Variants in FTCDNL1 observed in about 807,000 individuals in gnomAD.
FTCDNL1 encodes the protein formiminotransferase cyclodeaminase N-terminal like, also known as formiminotransferase N-terminal subdomain-containing protein.
A neutral mutation model predicts 5.9 loss-of-function variants in FTCDNL1; 11 were observed. The observed-to-expected ratio is 1.87, with a 90% CI of 1.18 to 3.10. The LOEUF is 3.10. Ranked by LOEUF, FTCDNL1 falls within the 30% of genes most tolerant of loss-of-function variation. FTCDNL1 has a pLI of 0.00. For synonymous variants in FTCDNL1, 58 were observed against 24.8 expected (o/e 2.34, Z -3.99); for missense variants, 115 against 65.5 (o/e 1.76, Z -2.61).
At position 199,784,436 on chromosome 2, in the gene FTCDNL1, C is replaced by T. The variant is rs559533268; in HGVS notation, c.212-23601G>A. Among the ~76,000 whole-genome samples the T allele has an allele frequency of 5.3e-5, 8 of 152,306 alleles. No homozygotes were observed. The East Asian group carries it at 7.7e-4, about 15-fold the overall frequency. The stretch of plus-strand genomic sequence containing the variant: ...GGGGGTCCTTGCTGCCAACCTGTGC[C>T]ATGGGATTCAGCTCTAAAATCCCTG... On this transcript the variant is annotated intron_variant, in intron 3 of 3. Coordinates refer to the FTCDNL1 transcript ENST00000416668.
At chr2:199,816,261 C>A (rs1386944447) in intron 4 of FTCDNL1, among the ~76,000 whole-genome samples, 1 of 152,142 alleles carries the variant, frequency 6.6e-6, no homozygotes, top group Non-Finnish European at 1.5e-5. Context: ...CCAAACTTGG[C>A]AAACTGTAAT....
chr2:199,666,015 A>G, the FTCDNL1 span, among the ~76,000 whole-genome samples: 1 of 152,332 alleles, frequency 6.6e-6, no homozygotes, highest in South Asian at 2.1e-4. Context: ...AGAAACCAAA[A>G]TGACATAGTG....
intron 2 of FTCDNL1, among the ~76,000 whole-genome samples, chr2:199,847,033 G>C (rs2076750452): frequency 6.6e-6 from 1 of 152,082 alleles, no homozygotes; most frequent in African/African-American, 2.4e-5. Context: ...GAACTACAGA[G>C]CTTAGAACAG....
the FTCDNL1 span, among the ~76,000 whole-genome samples, chr2:199,754,287 C>G: frequency 6.6e-6 from 1 of 152,124 alleles, no homozygotes; most frequent in Admixed American, 6.5e-5. Context: ...ATGGGAGGAG[C>G]GGAAGGAATG....
chr2:199,663,905 G>A, the FTCDNL1 span, among the ~76,000 whole-genome samples: 2 of 151,654 alleles, frequency 1.3e-5, no homozygotes, highest in African/African-American at 2.4e-5. Flanking sequence ...TCATTGTATC[G>A]ATATAAATTG....
intron 3 of FTCDNL1, among the ~76,000 whole-genome samples, chr2:199,826,751 G>A (rs1007252263): frequency 1.1e-4 from 16 of 152,114 alleles, no homozygotes; most frequent in Non-Finnish European, 2.4e-4. Context: ...CCGAGATTGC[G>A]CCATTGCAAT....
At chr2:199,837,008 G>C (rs1401185911) in intron 3 of FTCDNL1, among the ~76,000 whole-genome samples, 1 of 152,186 alleles carries the variant, frequency 6.6e-6, no homozygotes, top group Non-Finnish European at 1.5e-5. Context: ...AGAGAAAAGA[G>C]TGCAGCTTTT....
the FTCDNL1 span, among the ~76,000 whole-genome samples, chr2:199,663,957 A>G: frequency 6.6e-6 from 1 of 152,128 alleles, no homozygotes; most frequent in African/African-American, 2.4e-5. Flanking sequence ...TGCAACCTCT[A>G]CACAAGTCCA....
rs1335879235 is a variant in FTCDNL1 at position 199,811,438 on chromosome 2, G to A, written c.*1267C>T. Among the ~76,000 whole-genome samples the A allele has an allele frequency of 6.6e-6, 1 of 152,122 alleles. No homozygotes were observed. On this transcript the variant is annotated 3_prime_UTR_variant, in exon 5 of 5. Transcript: ENST00000420128. The stretch of plus-strand genomic sequence containing the variant: ...TTACCATCGTTCCAACAAATAGTTG[G>A]ATCACACTCAGGTTTTGCTGAAGAG...
At chr2:199,698,809 T>C in the FTCDNL1 span, among the ~76,000 whole-genome samples, 11,151 of 151,820 alleles carry the variant, frequency 0.073, 1,396 homozygotes, top group African/African-American at 0.25. Context: ...GAAAAACCCA[T>C]ACAAAAGAGA....
At chr2:199,754,834 TA>T in the FTCDNL1 span, among the ~76,000 whole-genome samples, 2 of 152,238 alleles carry the variant, frequency 1.3e-5, no homozygotes, top group African/African-American at 2.4e-5. Flanking sequence ...TGCCGTTAAT[TA>T]AAAAGTAAAA....
the FTCDNL1 span, among the ~76,000 whole-genome samples, chr2:199,681,996 T>C: frequency 1.3e-5 from 2 of 152,156 alleles, no homozygotes; most frequent in African/African-American, 2.4e-5. Context: ...AGCAACACTC[T>C]TTCCAAATGC....
intron 3 of FTCDNL1, among the ~76,000 whole-genome samples, chr2:199,778,308 C>T (rs748532685): frequency 1.3e-5 from 2 of 152,162 alleles, no homozygotes; most frequent in Non-Finnish European, 2.9e-5. Context: ...AAATCCAGTA[C>T]ATTTCTAGGT....
intron 3 of FTCDNL1, among the ~76,000 whole-genome samples, chr2:199,771,043 T>C (rs2106286530): frequency 6.6e-6 from 1 of 152,354 alleles, no homozygotes; most frequent in South Asian, 2.1e-4. Context: ...CTTGTAATGC[T>C]TTTACTGGCT....
chr2:199,747,839 A>C, the FTCDNL1 span, among the ~76,000 whole-genome samples: 1 of 152,252 alleles, frequency 6.6e-6, no homozygotes, highest in Admixed American at 6.5e-5. Context: ...TTTATACAAG[A>C]AAAGAACATC....
At chr2:199,771,735 T>A (rs1698820550) in intron 3 of FTCDNL1, among the ~76,000 whole-genome samples, 1 of 152,246 alleles carries the variant, frequency 6.6e-6, no homozygotes, top group South Asian at 2.1e-4. Context: ...CAAGCAATGT[T>A]ATGATTTTCT....
At chr2:199,779,334 G>T (rs766013641) in intron 3 of FTCDNL1, among the ~76,000 whole-genome samples, 8 of 152,230 alleles carry the variant, frequency 5.3e-5, no homozygotes, top group Non-Finnish European at 7.3e-5. Context: ...GACCAATTGT[G>T]TAAGTGTCCT....
chr2:199,835,374 AACC>A (rs1702659718), intron 3 of FTCDNL1, among the ~76,000 whole-genome samples: 1 of 152,236 alleles, frequency 6.6e-6, no homozygotes, highest in South Asian at 2.1e-4. Flanking sequence ...TGAATTATTC[AACC>A]TATGTAACTT....
intron 3 of FTCDNL1, among the ~76,000 whole-genome samples, chr2:199,780,116 T>C (rs1292908284): frequency 6.6e-6 from 1 of 152,008 alleles, no homozygotes; most frequent in Non-Finnish European, 1.5e-5. Context: ...GCCTGTCGAG[T>C]GAAGGAAGCA....
Sources: allele counts gnomAD v4.1 joint callset (sites outside exome capture counted in the v4.1 genomes callset), GRCh38; gene constraint gnomAD v4.1.1; transcripts MANE v1.5; gene names NCBI Gene and HGNC (gene_info 2026-07-23, HGNC 2026-07-21).